Variants in TTLL3 observed in about 807,000 individuals in gnomAD.
TTLL3 encodes tubulin monoglycylase TTLL3.
TTLL3 carries 63 observed loss-of-function variants against 75.2 expected under a neutral mutation model. The ratio of observed to expected loss-of-function variants is 0.84; its 90% confidence interval spans 0.68 to 1.03. The LOEUF is 1.03. Among genes scored for constraint, TTLL3 ranks in the 50% least tolerant of loss-of-function variants. TTLL3 has a pLI of 0.00. For missense variants in TTLL3, 997 were observed against 1,069.9 expected (o/e 0.93, Z 0.95); for synonymous variants, 393 against 418.5 (o/e 0.94, Z 0.74).
In TTLL3 at chr3:9,833,223, G is replaced by C; in HGVS notation, c.1803G>C (p.Leu601=). 5.6e-6 allele frequency: 9 copies of C among 1,614,022 alleles called. No individual in the cohort carries two copies. The highest frequency in any genetic ancestry group is 7.6e-6 in the Non-Finnish European group (9 of 1,179,970). ...RMGVRPAVPL[L]TQRGSGEARH... ...GGGTCCGCCCAGCAGTCCCTCTGCT[G>C]ACCCAGCGAGGCTCTGGGGAAGGCA... Residue 601 remains leucine, a synonymous_variant, in exon 12 of 14, where the codon CTG becomes CTC. Coordinates refer to ENST00000685419, the MANE Select transcript of TTLL3 (RefSeq NM_001387446.1).
At position 9,836,169 on chromosome 3, in the gene TTLL3, C is replaced by T. The variant is rs2082002488; in HGVS notation, c.*680C>T. Reference sequence around the variant, plus strand: ...AGAAAATTAGCTGGGTGTGGTGGCACACACCTGTAGTCCTAGCTACTCGGG... The same window carrying T: ...AGAAAATTAGCTGGGTGTGGTGGCATACACCTGTAGTCCTAGCTACTCGGG... On this transcript the variant is annotated 3_prime_UTR_variant, in exon 14 of 14. Transcript: ENST00000685419. 6.6e-6 allele frequency: 1 copy of T among 152,180 alleles called. No homozygotes were observed. The highest frequency in any genetic ancestry group is 1.5e-5 in the Non-Finnish European group (1 of 68,092). 9.4% of individuals were successfully genotyped at this position (152,180 alleles called of 1,614,324 possible). A position where few individuals can be genotyped will look rare whatever the true frequency, so the allele number is the denominator to read the frequency against.
chr3:9,819,782 C>T, intron 7 of TTLL3: 6 of 985,476 alleles, frequency 6.1e-6, no homozygotes, highest in Non-Finnish European at 7.2e-6. Flanking sequence ...TCCAGAGAGA[C>T]TCCCCCATTG....
In TTLL3 at chr3:9,835,478, G is replaced by A. The variant is rs1479285723; in HGVS notation, c.2437G>A (p.Ala813Thr). 6.3e-7 allele frequency: 1 copy of A among 1,596,152 alleles called. No individual in the cohort carries two copies. The highest frequency in any genetic ancestry group is 8.5e-7 in the Non-Finnish European group (1 of 1,172,470). ...GARPCTPGSTARA is the reference protein window; with the variant it reads ...GARPCTPGSTTRA ...GAGGCCGTGTACCCCAGGGTCCACA[G>A]CAAGAGCCTGAGGCCATCAGCAGCT... The change falls in exon 14 of 14, where the codon GCA (alanine) becomes ACA (threonine). Residue 813 changes from alanine to threonine, a missense_variant. By Grantham distance (58) the Ala-to-Thr change is moderately conservative. Coordinates refer to ENST00000685419, the MANE Select transcript of TTLL3 (RefSeq NM_001387446.1).
chr3:9,814,577 A>G (rs1055778136), intron 4 of TTLL3, among the ~76,000 whole-genome samples: 2 of 149,314 alleles, frequency 1.3e-5, no homozygotes, highest in Non-Finnish European at 3.0e-5. Flanking sequence ...GAATCTGGGT[A>G]GCAAAGGTTG....
chr3:9,835,278 T>C lies in TTLL3; in HGVS notation c.2237T>C (p.Leu746Pro). 6.2e-7 allele frequency: 1 copy of C among 1,614,172 alleles called. No homozygotes were observed. The highest frequency in any genetic ancestry group is 8.5e-7 in the Non-Finnish European group (1 of 1,180,008). Residue 746 changes from leucine (L) to proline (P), a missense_variant, in exon 14 of 14, where the codon CTG becomes CCG. Leu to Pro is a moderately conservative substitution (Grantham distance 98). Transcript: ENST00000685419. ...AAGAGGCTGAGCCCCCTGAAACCCC[T>C]GCCCCTTGTTGGTACATTCCAGAGG... ...PMKRLSPLKPLPLVGTFQRRR... is the reference protein window; with the variant it reads ...PMKRLSPLKPPPLVGTFQRRR...
intron 9 of TTLL3, among the ~76,000 whole-genome samples, chr3:9,826,664 C>T (rs1277625801): frequency 7.7e-6 from 1 of 130,308 alleles, no homozygotes; most frequent in Non-Finnish European, 1.5e-5. Context: ...ACCCGGGAGG[C>T]GGAGGTTGCA....
chr3:9,823,756 G>A (rs2080748057), intron 8 of TTLL3, among the ~76,000 whole-genome samples: 1 of 152,178 alleles, frequency 6.6e-6, no homozygotes. Flanking sequence ...AGTTCTCCAT[G>A]ACTGGAGACA....
chr3:9,814,515 G>A (rs2079642959), intron 4 of TTLL3, among the ~76,000 whole-genome samples: 1 of 152,014 alleles, frequency 6.6e-6, no homozygotes, highest in Admixed American at 6.6e-5. Context: ...GGGTGTAGTG[G>A]TGTATGCCTG....
chr3:9,818,341 G>C (rs2080079747), intron 6 of TTLL3: 1 of 167,834 alleles, frequency 6.0e-6, no homozygotes, highest in Admixed American at 5.7e-5. Flanking sequence ...TCAGATTTGG[G>C]GTCTGGTTAC....
Position 9,810,595 on chromosome 3 carries a change from CG to C in TTLL3, c.-41-25del, listed in dbSNP as rs2079260728. ...CCCTAGGCCCAGCCTCAGTGTACCC[CG>C]CCCCTATTCCGCATCTTTCTGCAGG... is the stretch of plus-strand genomic sequence containing the variant. On this transcript the variant is annotated intron_variant, in intron 1 of 13. Transcript: ENST00000685419. This position sits in a 1 kb window ranked among gnomAD's most constrained non-coding sequence, Gnocchi z 4.4. 2 of 1,550,948 alleles carry C rather than the reference CG, an allele frequency of 1.3e-6. No homozygotes were observed. The highest frequency in any genetic ancestry group is 1.4e-5 in the African/African-American group (1 of 73,180).
At position 9,835,521 on chromosome 3, in the gene TTLL3, C is replaced by T. The variant is rs775089379; in HGVS notation, c.*32C>T. 4 of 1,535,266 alleles carry T rather than the reference C, an allele frequency of 2.6e-6. No homozygotes were observed. The highest frequency in any genetic ancestry group is 4.5e-5 in the East Asian group (2 of 44,350). ...CAGCAGCTCCTCCGTGCAGCGAGGC[C>T]CAGAATTCCCACCTAAGGACAGACA... is the stretch of plus-strand genomic sequence containing the variant. On this transcript the variant is annotated 3_prime_UTR_variant, in exon 14 of 14. Coordinates refer to ENST00000685419, the MANE Select transcript of TTLL3 (RefSeq NM_001387446.1).
At chr3:9,810,210 T>G, upstream of TTLL3, 1 of 1,487,140 alleles carries the variant, frequency 6.7e-7, no homozygotes, top group Non-Finnish European at 8.9e-7. The surrounding 1 kb of genome is among the most constrained non-coding windows in gnomAD (Gnocchi z 4.4). Flanking sequence ...GGGCCGGCCC[T>G]GCCTCCGCCC....
At chr3:9,821,308 C>T (rs779271071) in intron 8 of TTLL3, among the ~76,000 whole-genome samples, 4 of 152,138 alleles carry the variant, frequency 2.6e-5, no homozygotes, top group South Asian at 2.1e-4. Context: ...AGATTCCATT[C>T]GGGAGAAGCA....
At chr3:9,820,985 A>G (rs2124842297) in intron 8 of TTLL3, 1 of 529,710 alleles carries the variant, frequency 1.9e-6, no homozygotes, top group East Asian at 3.1e-5. Flanking sequence ...ACATTACCCA[A>G]AGTGTGTGTT....
chr3:9,817,317 T>A, intron 5 of TTLL3: 1 of 511,630 alleles, frequency 2.0e-6, no homozygotes, highest in Non-Finnish European at 2.5e-6. Context: ...CCAGCTACTC[T>A]GGAGGCCGAG....
At chr3:9,819,101 A>G (rs2080172937) in intron 7 of TTLL3, 181 bp downstream of exon 7, 1 of 765,704 alleles carries the variant, frequency 1.3e-6, no homozygotes. Context: ...CCACTCATCC[A>G]CCCACGTATT....
At chr3:9,815,572 C>A (rs939047990) in intron 4 of TTLL3, among the ~76,000 whole-genome samples, 2 of 152,210 alleles carry the variant, frequency 1.3e-5, no homozygotes, top group African/African-American at 4.8e-5. Context: ...GAGTCACTGT[C>A]CTGCCCCTGG....
At chr3:9,833,471 G>A (rs566971338) in intron 12 of TTLL3, among the ~76,000 whole-genome samples, 2 of 152,336 alleles carry the variant, frequency 1.3e-5, no homozygotes, top group East Asian at 3.9e-4. Flanking sequence ...ACCTTTTCTA[G>A]TGGGGACAGG....
intron 10 of TTLL3, chr3:9,827,744 G>A (rs2081182247): frequency 6.3e-6 from 1 of 159,636 alleles, no homozygotes. Context: ...CTGGGCACTT[G>A]GGGTATAGCA....
Sources: gnomAD v4.1 joint callset for allele counts (sites outside exome capture counted in the v4.1 genomes callset) on GRCh38, gnomAD v4.1.1 for gene constraint, Gnocchi (gnomAD v3.1) non-coding constraint, MANE v1.5 for transcripts, NCBI Gene and HGNC (gene_info 2026-07-23, HGNC 2026-07-21) for gene names.